HTR2A: variants seen among roughly 807,000 people sequenced by gnomAD.
The protein encoded by HTR2A is 5-hydroxytryptamine receptor 2A, also known as 5-HT2 receptor.
A neutral mutation model predicts 31.0 loss-of-function variants in HTR2A; 14 were observed. That is an observed-to-expected ratio of 0.45 (90% CI 0.30 to 0.71). HTR2A has a LOEUF of 0.71. HTR2A is among the 30% of genes least tolerant of loss of function. The probability of loss-of-function intolerance (pLI) is 0.09; values close to 1 mark genes in which losing one functional copy is unlikely to be tolerated. For synonymous variants in HTR2A, 209 were observed against 225.2 expected (o/e 0.93, Z 0.64); for missense variants, 442 against 573.3 (o/e 0.77, Z 2.34).
Position 46,865,351 on chromosome 13 carries a change from G to T in HTR2A, c.613+27039C>A, listed in dbSNP as rs559330612. Among the ~76,000 whole-genome samples, 47 of 152,312 alleles carry T rather than the reference G, an allele frequency of 3.1e-4. 1 individual carries two copies. The South Asian group carries it at 5.2e-3, about 17-fold the overall frequency. The stretch of plus-strand genomic sequence containing the variant: ...GAGGCTGAGCTGTTAGGGATTTAAG[G>T]TCAGTGAGTACATGACAAAAAATAA... On this transcript the variant is annotated intron_variant, in intron 3 of 3. Transcript: ENST00000542664.
At chr13:46,851,359 C>T (rs1323403103) in intron 3 of HTR2A, among the ~76,000 whole-genome samples, 1 of 152,132 alleles carries the variant, frequency 6.6e-6, no homozygotes, top group African/African-American at 2.4e-5. Flanking sequence ...AGAATGAGCT[C>T]CTTGATACAT....
intron 3 of HTR2A, among the ~76,000 whole-genome samples, chr13:46,838,254 C>A (rs1242681036): frequency 6.6e-6 from 1 of 152,194 alleles, no homozygotes; most frequent in East Asian, 1.9e-4. Context: ...CCATTTGAGA[C>A]ATCCCTGGAT....
At chr13:46,872,872 T>A (rs1485210432) in intron 3 of HTR2A, among the ~76,000 whole-genome samples, 1 of 152,146 alleles carries the variant, frequency 6.6e-6, no homozygotes, top group East Asian at 1.9e-4. Flanking sequence ...GCCCTGAGAA[T>A]ATGTATTTCC....
intron 3 of HTR2A, among the ~76,000 whole-genome samples, chr13:46,836,770 A>G (rs1876466314): frequency 6.6e-6 from 1 of 152,176 alleles, no homozygotes; most frequent in South Asian, 2.1e-4. Context: ...GAAAATATTT[A>G]TTACGTAGAT....
At chr13:46,876,668 G>T (rs1371955508) in intron 3 of HTR2A, among the ~76,000 whole-genome samples, 1 of 151,590 alleles carries the variant, frequency 6.6e-6, no homozygotes. Flanking sequence ...CATCCGCCTC[G>T]GCCTCCCAAA....
At chr13:46,865,961 C>CT (rs1409982058) in intron 3 of HTR2A, among the ~76,000 whole-genome samples, 2 of 152,128 alleles carry the variant, frequency 1.3e-5, no homozygotes, top group Admixed American at 6.5e-5. Flanking sequence ...ACGAGGTAAG[C>CT]TTTTCTGGGT....
intron 3 of HTR2A, among the ~76,000 whole-genome samples, chr13:46,879,595 G>C (rs1928038): frequency 0.94 from 142,588 of 152,264 alleles, 66,817 homozygotes; most frequent in African/African-American, 0.96. Context: ...TTGGAAGATG[G>C]GAGTAGAAAA....
chr13:46,881,485 C>T (rs1309718511), intron 3 of HTR2A, among the ~76,000 whole-genome samples: 1 of 152,094 alleles, frequency 6.6e-6, no homozygotes, highest in African/African-American at 2.4e-5. Flanking sequence ...ATGGCAGGAA[C>T]AAAAATAAAG....
At position 46,892,523 on chromosome 13, in the gene HTR2A, C is replaced by T. The variant is rs762091229; in HGVS notation, c.480G>A (p.Thr160=). ...VWIYLDVLFS[T]ASIMHLCAIS... ...TGGCGCAGAGGTGCATGATGGAGGC[C>T]GTGGAGAAGAGCACGTCCAGGTAAA... is the stretch of plus-strand genomic sequence containing the variant. The change falls in exon 3 of 4, where the codon ACG becomes ACA. Residue 160 remains threonine (T), a synonymous_variant. Coordinates refer to ENST00000542664, the MANE Select transcript of HTR2A (RefSeq NM_000621.5). 40 of 1,614,014 alleles carry T rather than the reference C, an allele frequency of 2.5e-5. No individual in the cohort carries two copies. The highest frequency in any genetic ancestry group is 1.6e-4 in the Middle Eastern group (1 of 6,084).
Position 46,892,555 on chromosome 13 carries a change from C to T in HTR2A, c.448G>A (p.Val150Ile). 1 of 1,614,202 alleles carries T rather than the reference C, an allele frequency of 6.2e-7. No homozygotes were observed. The highest frequency in any genetic ancestry group is 1.1e-5 in the South Asian group (1 of 91,086). ...RWPLPSKLCA[V>I]WIYLDVLFST... ...AAGAGCACGTCCAGGTAAATCCAGACTGCACAAAGCTTGCTCGGCAGAGGC... is the reference window on the plus strand; with the variant it reads ...AAGAGCACGTCCAGGTAAATCCAGATTGCACAAAGCTTGCTCGGCAGAGGC... Residue 150 changes from valine to isoleucine, a missense_variant, in exon 3 of 4, where the codon GTC (valine) becomes ATC (isoleucine). Physicochemically the swap from Val to Ile is conservative, Grantham distance 29. Coordinates refer to ENST00000542664, the MANE Select transcript of HTR2A (RefSeq NM_000621.5).
At chr13:46,877,078 G>T (rs538652951) in intron 3 of HTR2A, among the ~76,000 whole-genome samples, 53 of 152,264 alleles carry the variant, frequency 3.5e-4, no homozygotes, top group African/African-American at 1.3e-3. Flanking sequence ...CTAGACTGTG[G>T]AATGTGGGGA....
At position 46,896,830 on chromosome 13, in the gene HTR2A, G is replaced by T. The variant is rs1269787834; in HGVS notation, c.-485C>A. 1.3e-6 allele frequency: 2 copies of T among 1,536,670 alleles called. No homozygotes were observed. Among genetic ancestry groups the T allele is most frequent in the Non-Finnish European group, 1.7e-6 (2 of 1,146,766 alleles). The stretch of plus-strand genomic sequence containing the variant: ...TTCTGTTTTGCTGACTTCAAAAACT[G>T]CATGCAAGAGCTGAGCCAGCTCCCG... On this transcript the variant is annotated 5_prime_UTR_variant, in exon 1 of 4. Coordinates refer to ENST00000542664, the MANE Select transcript of HTR2A (RefSeq NM_000621.5).
intron 3 of HTR2A, among the ~76,000 whole-genome samples, chr13:46,843,789 A>AG (rs1444711676): frequency 6.6e-6 from 1 of 152,136 alleles, no homozygotes; most frequent in African/African-American, 2.4e-5. Flanking sequence ...ATTTCTATGT[A>AG]GCAGGGGCTT....
chr13:46,835,743 G>A (rs962410539), intron 3 of HTR2A, 104 bp from the exon 4 acceptor site: 56 of 816,874 alleles, frequency 6.9e-5, no homozygotes, highest in South Asian at 4.2e-4. Context: ...TTATATCATC[G>A]TTTAAAAGCT....
intron 3 of HTR2A, among the ~76,000 whole-genome samples, chr13:46,885,187 T>A (rs1269189007): frequency 1.3e-5 from 2 of 152,188 alleles, no homozygotes; most frequent in Non-Finnish European, 2.9e-5. Flanking sequence ...ACAAGCACTA[T>A]GATGCCATGG....
chr13:46,888,868 A>G (rs529130601), intron 3 of HTR2A, among the ~76,000 whole-genome samples: 2 of 152,340 alleles, frequency 1.3e-5, no homozygotes, highest in Admixed American at 1.3e-4. Context: ...TAATCATTGA[A>G]GTAATTTAAA....
intron 3 of HTR2A, among the ~76,000 whole-genome samples, chr13:46,891,796 G>C (rs140234299): frequency 5.3e-5 from 8 of 152,194 alleles, no homozygotes; most frequent in African/African-American, 1.9e-4. Context: ...CAATACTGGC[G>C]AGAGATGAAT....
In HTR2A at chr13:46,896,904, C is replaced by T; in HGVS notation, c.-559G>A. On this transcript the variant is annotated 5_prime_UTR_variant, in exon 1 of 4. Transcript: ENST00000542664. Reference sequence around the variant, plus strand: ...CCTCTGGCACGGCTCGGCTGGGTTCCTCCCTCCCTGTGCGGCTCGCCTCAG... The same window carrying T: ...CCTCTGGCACGGCTCGGCTGGGTTCTTCCCTCCCTGTGCGGCTCGCCTCAG... The T allele has an allele frequency of 1.9e-5, 26 of 1,343,470 alleles. No individual in the cohort carries two copies. Among genetic ancestry groups the T allele is most frequent in the Non-Finnish European group, 2.6e-5 (26 of 982,234 alleles). 83.2% of individuals were successfully genotyped at this position (1,343,470 alleles called of 1,614,324 possible).
intron 3 of HTR2A, among the ~76,000 whole-genome samples, chr13:46,877,196 A>C (rs760959777): frequency 2.6e-5 from 4 of 152,278 alleles, no homozygotes; most frequent in Middle Eastern, 3.4e-3. Flanking sequence ...AAGAACAAAA[A>C]AACTGCCCTG....
Sources: gnomAD v4.1 joint callset for allele counts (sites outside exome capture counted in the v4.1 genomes callset) on GRCh38, gnomAD v4.1.1 for gene constraint, MANE v1.5 for transcripts, NCBI Gene and HGNC (gene_info 2026-07-23, HGNC 2026-07-21) for gene names.